Variants in VPS13A observed in about 807,000 individuals in gnomAD.
The protein encoded by VPS13A is vacuolar protein sorting 13 homolog A.
Under a neutral mutation model 390.9 loss-of-function variants are expected in VPS13A, and 264 were observed. The observed-to-expected ratio is 0.68, with a 90% CI of 0.61 to 0.75. The LOEUF (loss-of-function observed/expected upper bound fraction) is 0.75, where lower values mean the gene tolerates loss of function less well. VPS13A is among the 30% of genes least tolerant of loss of function. VPS13A has a pLI of 0.00. For missense variants in VPS13A, 3,409 were observed against 3,733.9 expected, an observed-to-expected ratio of 0.91 and a Z score of 2.27; for synonymous variants, 1,231 against 1,227.1, an observed-to-expected ratio of 1.00 and a Z score of -0.07.
At chr9:77,349,125 A>G (rs1831319627) in intron 52 of VPS13A, among the ~76,000 whole-genome samples, 1 of 152,182 alleles carries the variant, frequency 6.6e-6, no homozygotes, top group Non-Finnish European at 1.5e-5. Flanking sequence ...AAAAATGTGA[A>G]AGAGGACCAT....
chr9:77,322,667 A>G (rs1411811189), intron 44 of VPS13A, among the ~76,000 whole-genome samples: 1 of 152,034 alleles, frequency 6.6e-6, no homozygotes, highest in Non-Finnish European at 1.5e-5. Context: ...TCCAAGATAT[A>G]AAGGAAAAGT....
chr9:77,413,079 C>G (rs1349273046), intron 71 of VPS13A, among the ~76,000 whole-genome samples: 1 of 152,160 alleles, frequency 6.6e-6, no homozygotes, highest in Non-Finnish European at 1.5e-5. Flanking sequence ...CAAACCACTG[C>G]TCAGTGAAAT....
intron 19 of VPS13A, among the ~76,000 whole-genome samples, chr9:77,239,019 G>A (rs932569656): frequency 1.3e-5 from 2 of 151,692 alleles, no homozygotes; most frequent in Non-Finnish European, 2.9e-5. Context: ...CTATTCATTA[G>A]GTATGGATTG....
chr9:77,285,393 T>C (rs889432012), intron 31 of VPS13A, among the ~76,000 whole-genome samples: 3 of 152,232 alleles, frequency 2.0e-5, no homozygotes, highest in Non-Finnish European at 2.9e-5. Context: ...GTAGCACCAT[T>C]GGACAAATAC....
chr9:77,236,752 TAAAGAGGA>T (rs1162261540), intron 17 of VPS13A, among the ~76,000 whole-genome samples: 1 of 152,158 alleles, frequency 6.6e-6, no homozygotes, highest in Non-Finnish European at 1.5e-5. Flanking sequence ...CAGACAGACA[TAAAGAGGA>T]GAATGCCATG....
chr9:77,252,281 T>C lies in VPS13A; in HGVS notation c.2217T>C (p.His739=). ...GAAAACTCAGTGTATCTACCCAGCA[T>C]ATTTTGGTACCCATGCACTTCAATT... ...EARKLSVSTQ[H]ILVPMHFNLE... The change falls in exon 22 of 72, where the codon CAT becomes CAC. Residue 739 remains histidine (H), a synonymous_variant. Coordinates refer to ENST00000360280, the MANE Select transcript of VPS13A (RefSeq NM_033305.3). The C allele has an allele frequency of 6.2e-7, 1 of 1,614,058 alleles. No homozygotes were observed. The highest frequency in any genetic ancestry group is 8.5e-7 in the Non-Finnish European group (1 of 1,179,916).
In VPS13A at chr9:77,418,889, A is replaced by AGAT. The variant is rs1333741305; in HGVS notation, c.*2884_*2886dup. The AGAT allele has an allele frequency of 1.3e-5, 2 of 152,216 alleles. No homozygotes were observed. The highest frequency in any genetic ancestry group is 6.5e-5 in the Admixed American group (1 of 15,282). 9.4% of individuals were successfully genotyped at this position (152,216 alleles called of 1,614,324 possible). ...TCGTATTACTCTCTGGTAAAAAGAA[A>AGAT]GATTAAATTAAAAGGACTCTACACA... On this transcript the variant is annotated 3_prime_UTR_variant, in exon 72 of 72. Coordinates refer to ENST00000360280, the MANE Select transcript of VPS13A (RefSeq NM_033305.3).
In VPS13A at chr9:77,302,359, A is replaced by C. The variant is rs1473740341; in HGVS notation, c.3813-556A>C. ...TCCAAAATTGTATCGAAAAATACAT[A>C]TTTTTCCCCTTTTTTTTTTTTTTTT... On this transcript the variant is annotated intron_variant, in intron 33 of 71. Coordinates refer to ENST00000360280, the MANE Select transcript of VPS13A (RefSeq NM_033305.3). 6.3e-4 allele frequency among the ~76,000 whole-genome samples: 75 copies of C among 119,050 alleles called. No homozygotes were observed. The East Asian group carries it at 0.015, about 23-fold the overall frequency. The allele number at this position is 119,050 out of a possible 152,430, so 78.1% of individuals were successfully genotyped here.
At chr9:77,383,977 T>TTC (rs1554677016) in intron 68 of VPS13A, among the ~76,000 whole-genome samples, 28 of 148,780 alleles carry the variant, frequency 1.9e-4, no homozygotes, top group South Asian at 6.3e-4. Context: ...TTTTTTTTTT[T>TTC]TAATCAAAGC....
intron 71 of VPS13A, among the ~76,000 whole-genome samples, chr9:77,411,123 G>C (rs1315542128): frequency 2.0e-5 from 3 of 152,102 alleles, no homozygotes; most frequent in Non-Finnish European, 4.4e-5. Context: ...TAGAACTCAG[G>C]ATTAAGAAAC....
At chr9:77,390,392 T>C (rs1312747638) in intron 68 of VPS13A, among the ~76,000 whole-genome samples, 1 of 152,166 alleles carries the variant, frequency 6.6e-6, no homozygotes, top group African/African-American at 2.4e-5. Context: ...GACTGTCACA[T>C]TATTTCCAAA....
chr9:77,321,996 G>A (rs546828671), intron 44 of VPS13A, among the ~76,000 whole-genome samples: 2 of 151,830 alleles, frequency 1.3e-5, no homozygotes, highest in East Asian at 3.9e-4. Context: ...GCAATTTACT[G>A]CTTTGTTGTT....
chr9:77,285,317 C>T (rs566142501), intron 31 of VPS13A, among the ~76,000 whole-genome samples: 1 of 152,298 alleles, frequency 6.6e-6, no homozygotes, highest in East Asian at 1.9e-4. Flanking sequence ...AGGCCCTCAA[C>T]TTTAAGGGTG....
At chr9:77,235,829 G>T (rs1824112794) in intron 17 of VPS13A, among the ~76,000 whole-genome samples, 1 of 152,080 alleles carries the variant, frequency 6.6e-6, no homozygotes, top group South Asian at 2.1e-4. Flanking sequence ...AAACCTCTCT[G>T]CAGATGGTTC....
In VPS13A at chr9:77,344,279, G is replaced by A. The variant is rs777360800; in HGVS notation, c.7153G>A (p.Glu2385Lys). 24 of 1,612,964 alleles carry A rather than the reference G, an allele frequency of 1.5e-5. No homozygotes were observed. The East Asian group carries it at 2.2e-4, about 15-fold the overall frequency. Reference sequence around the variant, plus strand: ...TTGTATTCTATTGCGTCTAGATAACGAGGTAAGTTTTTTTTTCTTTTTTGC... The same window carrying A: ...TTGTATTCTATTGCGTCTAGATAACAAGGTAAGTTTTTTTTTCTTTTTTGC... Reference protein sequence around the residue: ...ENCILLRLDNELGGIIAEVNL... With the variant: ...ENCILLRLDNKLGGIIAEVNL... The change falls in exon 51 of 72, where the codon GAG (glutamate) becomes AAG (lysine). Residue 2385 changes from glutamate to lysine, a missense_variant and splice_region_variant. Transcript: ENST00000360280.
intron 14 of VPS13A, 99 bp downstream of exon 14, chr9:77,226,087 A>G: frequency 2.5e-6 from 3 of 1,182,268 alleles, no homozygotes; most frequent in Admixed American, 4.4e-5. Context: ...TATTGTTTCC[A>G]AAAAGTGGTT....
rs752962498 is a variant in VPS13A, at chr9:77,408,282, A to T, written c.9474+675A>T. ...CTATTCAGAATGTTGAGTTGTACTCATTATATCATGAAACTTACAGTAAGA... is the reference window on the plus strand; with the variant it reads ...CTATTCAGAATGTTGAGTTGTACTCTTTATATCATGAAACTTACAGTAAGA... On this transcript the variant is annotated intron_variant, in intron 71 of 71. Coordinates refer to ENST00000360280, the MANE Select transcript of VPS13A (RefSeq NM_033305.3). Among the ~76,000 whole-genome samples the T allele has an allele frequency of 7.4e-4, 113 of 152,084 alleles. 1 individual carries two copies. The highest frequency in any genetic ancestry group is 1.2e-3 in the Non-Finnish European group (85 of 68,028).
intron 22 of VPS13A, among the ~76,000 whole-genome samples, chr9:77,254,054 C>T (rs1825305462): frequency 6.7e-6 from 1 of 150,114 alleles, no homozygotes; most frequent in Non-Finnish European, 1.5e-5. Flanking sequence ...CACCATTCTC[C>T]TGCCTCAGCC....
chr9:77,246,780 G>C (rs1270098668), intron 19 of VPS13A, among the ~76,000 whole-genome samples: 1 of 152,086 alleles, frequency 6.6e-6, no homozygotes, highest in African/African-American at 2.4e-5. Context: ...ACTCTGGTTT[G>C]TTGCCTTTTC....
Sources: gnomAD v4.1 joint callset for allele counts (sites outside exome capture counted in the v4.1 genomes callset) on GRCh38, gnomAD v4.1.1 for gene constraint, MANE v1.5 for transcripts, NCBI Gene and HGNC (gene_info 2026-07-23, HGNC 2026-07-21) for gene names.